The following EVC2 variants were observed in gnomAD, a reference collection of about 807,000 sequenced individuals.
EVC2 encodes limbin.
A neutral mutation model predicts 149.3 loss-of-function variants in EVC2; 148 were observed. The observed-to-expected ratio is 0.99, with a 90% CI of 0.87 to 1.14. The LOEUF is 1.14. EVC2 is among the 50% of genes most tolerant of loss of function. The pLI is 0.00. For synonymous variants in EVC2, 776 were observed against 649.9 expected (o/e 1.19, Z -2.95); for missense variants, 1,854 against 1,627.3 (o/e 1.14, Z -2.40).
chr4:5,663,346 ACC>A, intron 8 of EVC2, 100 bp from the exon 9 acceptor site: 1 of 1,524,958 alleles, frequency 6.6e-7, no homozygotes. Flanking sequence ...CAGTCTGAGC[ACC>A]CAATCAGCCC....
chr4:5,617,018 T>A (rs1199155225), intron 15 of EVC2, among the ~76,000 whole-genome samples: 1 of 152,176 alleles, frequency 6.6e-6, no homozygotes, highest in African/African-American at 2.4e-5. Flanking sequence ...ATATTTAAAA[T>A]TTTTGATAAT....
intron 1 of EVC2, among the ~76,000 whole-genome samples, chr4:5,706,845 C>A (rs912385713): frequency 6.6e-6 from 1 of 152,106 alleles, no homozygotes; most frequent in Admixed American, 6.5e-5. Context: ...AATACAGGTG[C>A]TCATTCCCAG....
chr4:5,631,895 T>C lies in EVC2; in HGVS notation c.1608A>G (p.Glu536=), dbSNP rs201898124. Residue 536 remains glutamate, a synonymous_variant, in exon 11 of 22, where the codon GAA becomes GAG. Transcript: ENST00000344408. The part of the protein sequence containing the change: ...HRQLAVFQRN[E]LHSIFFTQIK... ...TCTGGGTAAAAAAGATACTGTGCAG[T>C]TCATTTCTCTGGAAAACAGCCAGCT... 3.2e-5 allele frequency: 51 copies of C among 1,614,112 alleles called. No individual in the cohort carries two copies. Among genetic ancestry groups the C allele is most frequent in the Non-Finnish European group, 3.9e-5 (46 of 1,180,040 alleles).
At chr4:5,608,330 G>T (rs115123492) in intron 16 of EVC2, among the ~76,000 whole-genome samples, 118 of 152,290 alleles carry the variant, frequency 7.7e-4, no homozygotes, top group African/African-American at 2.7e-3. Context: ...TCCACAGTGG[G>T]CCTCTTGGGC....
intron 20 of EVC2, among the ~76,000 whole-genome samples, chr4:5,566,100 T>C (rs1213936547): frequency 6.6e-6 from 1 of 152,214 alleles, no homozygotes; most frequent in Non-Finnish European, 1.5e-5. Context: ...TTTATGCATA[T>C]ACAAATACAG....
chr4:5,708,653 G>C (rs1722380673), upstream of EVC2: 1 of 578,228 alleles, frequency 1.7e-6, no homozygotes, highest in Non-Finnish European at 2.7e-6. Flanking sequence ...CCCGCATCTG[G>C]GGCTTGGCGG....
intron 2 of EVC2, 88 bp downstream of exon 2, chr4:5,697,505 A>G (rs903781751): frequency 2.3e-6 from 3 of 1,300,702 alleles, no homozygotes; most frequent in Non-Finnish European, 2.2e-6. Flanking sequence ...GGATCAGCAG[A>G]GAGTGAGGGA....
At chr4:5,542,695 G>C (rs1005678511), downstream of EVC2, 20 of 160,870 alleles carry the variant, frequency 1.2e-4, no homozygotes, top group African/African-American at 4.8e-4. Context: ...GATAATAGTA[G>C]ACCCGACCTT....
At chr4:5,660,459 T>G (rs1718805736) in intron 9 of EVC2, among the ~76,000 whole-genome samples, 1 of 152,226 alleles carries the variant, frequency 6.6e-6, no homozygotes, top group South Asian at 2.1e-4. Flanking sequence ...GAGCTGTTTC[T>G]GGTTCTACCT....
Position 5,614,635 on chromosome 4 carries a change from A to G in EVC2, c.2829+787T>C, listed in dbSNP as rs1715097168. On this transcript the variant is annotated intron_variant, in intron 16 of 21. Transcript: ENST00000344408. This position sits in a 1 kb window ranked among gnomAD's most constrained non-coding sequence, Gnocchi z 4.7. ...ATTCCACAAAGACAGAAGAATACAGATTAAAGCATCCTAGGAGACTGTGTG... is the reference window on the plus strand; with the variant it reads ...ATTCCACAAAGACAGAAGAATACAGGTTAAAGCATCCTAGGAGACTGTGTG... 6.6e-6 allele frequency among the ~76,000 whole-genome samples: 1 copy of G among 152,162 alleles called. No individual in the cohort carries two copies. The highest frequency in any genetic ancestry group is 2.4e-5 in the African/African-American group (1 of 41,450).
chr4:5,640,466 T>C lies in EVC2; in HGVS notation c.1470+48A>G. ...AGTGGGTAGATGGATAAATGACAAATCCCTGAGAGAAAGGGAAGTGAACGC... is the reference window on the plus strand; with the variant it reads ...AGTGGGTAGATGGATAAATGACAAACCCCTGAGAGAAAGGGAAGTGAACGC... On this transcript the variant is annotated intron_variant, in intron 10 of 21. Transcript: ENST00000344408. This position sits in a 1 kb window ranked among gnomAD's most constrained non-coding sequence, Gnocchi z 4.6. 1 of 1,610,238 alleles carries C rather than the reference T, an allele frequency of 6.2e-7. No individual in the cohort carries two copies. Among genetic ancestry groups the C allele is most frequent in the Middle Eastern group, 1.7e-4 (1 of 6,022 alleles).
At chr4:5,552,161 T>C (rs1048354421) in intron 21 of EVC2, among the ~76,000 whole-genome samples, 4 of 152,328 alleles carry the variant, frequency 2.6e-5, no homozygotes, top group African/African-American at 9.6e-5. Context: ...AGTGTTTTGT[T>C]ATCCATTTTA....
At chr4:5,645,569 A>T (rs1164574688) in intron 9 of EVC2, among the ~76,000 whole-genome samples, 2 of 152,140 alleles carry the variant, frequency 1.3e-5, no homozygotes, top group African/African-American at 2.4e-5. Context: ...GCTCCATCCA[A>T]GTTACTGTAA....
chr4:5,576,328 C>A lies in EVC2; in HGVS notation c.3184G>T (p.Gly1062Trp), dbSNP rs1237759012. The A allele has an allele frequency of 1.2e-6, 2 of 1,614,202 alleles. No individual in the cohort carries two copies. Among genetic ancestry groups the A allele is most frequent in the Admixed American group, 3.3e-5 (2 of 60,030 alleles). Residue 1062 changes from glycine (G) to tryptophan (W), a missense_variant, in exon 18 of 22, where the codon GGG becomes TGG. Gly to Trp is a radical substitution (Grantham distance 184). Transcript: ENST00000344408. The surrounding 1 kb of genome is among the most constrained non-coding windows in gnomAD (Gnocchi z 4.5). ...ADGPGILNEP[G>W]EVDSERQVST... ...ACCTGCCTTTCAGAATCCACCTCCC[C>A]AGGTTCGTTCAGAATCCCGGGCCCA...
intron 2 of EVC2, among the ~76,000 whole-genome samples, chr4:5,695,419 G>T (rs191052684): frequency 1.3e-5 from 2 of 152,264 alleles, no homozygotes; most frequent in Admixed American, 1.3e-4. Flanking sequence ...AATACATTTG[G>T]AAAGTTCATG....
chr4:5,539,776 A>C (rs557923265), downstream of EVC2, among the ~76,000 whole-genome samples: 429 of 150,378 alleles, frequency 2.9e-3, no homozygotes, highest in African/African-American at 9.2e-3. Context: ...ATACTACAAA[A>C]ACACACACAC....
rs143669175 is a variant in EVC2, at chr4:5,685,794, G to A, written c.707-315C>T. Among the ~76,000 whole-genome samples the A allele has an allele frequency of 2.6e-3, 389 of 152,266 alleles. 2 individuals are homozygous for A. Among genetic ancestry groups the A allele is most frequent in the Admixed American group, 0.012 (189 of 15,300 alleles). ...TCCTAGCCCTTTCTCACTGTGCAGC[G>A]CACCTCATCCCATAGGTAAGTTTGG... On this transcript the variant is annotated intron_variant, in intron 5 of 21. Coordinates refer to ENST00000344408, the MANE Select transcript of EVC2 (RefSeq NM_147127.5).
chr4:5,619,972 G>A (rs1373779936), intron 14 of EVC2, among the ~76,000 whole-genome samples: 1 of 152,228 alleles, frequency 6.6e-6, no homozygotes, highest in African/African-American at 2.4e-5. Flanking sequence ...TGGTTGGCCA[G>A]AGTCAGGTTT....
intron 16 of EVC2, among the ~76,000 whole-genome samples, chr4:5,594,298 A>G (rs1713160587): frequency 6.6e-6 from 1 of 152,214 alleles, no homozygotes; most frequent in Non-Finnish European, 1.5e-5. Flanking sequence ...CTGACCCCCG[A>G]GCAGCCTAAC....
Sources: gnomAD v4.1 joint callset for allele counts (sites outside exome capture counted in the v4.1 genomes callset) on GRCh38, gnomAD v4.1.1 for gene constraint, Gnocchi (gnomAD v3.1) non-coding constraint, MANE v1.5 for transcripts, NCBI Gene and HGNC (gene_info 2026-07-23, HGNC 2026-07-21) for gene names.